Variants in MAP4 observed in about 807,000 individuals in gnomAD.
MAP4 encodes the protein microtubule associated protein 4, also known as microtubule-associated protein 4.
In MAP4, 76 loss-of-function variants were observed where a neutral mutation model predicts 170.2. The ratio of observed to expected loss-of-function variants is 0.45; its 90% CI spans 0.37 to 0.54. The LOEUF is 0.54. Ranked by LOEUF, MAP4 falls within the 20% of genes least tolerant of loss-of-function variation. MAP4 has a pLI of 0.00. For synonymous variants in MAP4, 909 were observed against 994.5 expected, an observed-to-expected ratio of 0.91 and a Z score of 1.62; for missense variants, 2,506 against 2,748.0, an observed-to-expected ratio of 0.91 and a Z score of 1.97.
At chr3:48,031,202 G>A (rs925951964) in intron 1 of MAP4, among the ~76,000 whole-genome samples, 1 of 152,194 alleles carries the variant, frequency 6.6e-6, no homozygotes, top group African/African-American at 2.4e-5. Flanking sequence ...CTTGAGGCCA[G>A]GAGTTCTGAC....
intron 1 of MAP4, among the ~76,000 whole-genome samples, chr3:48,021,433 C>T (rs892348039): frequency 1.3e-5 from 2 of 151,954 alleles, no homozygotes; most frequent in Non-Finnish European, 2.9e-5. Context: ...CTGCAACCTC[C>T]GCCTCCCAGG....
At chr3:47,941,697 G>C (rs1235489434) in intron 3 of MAP4, among the ~76,000 whole-genome samples, 2 of 151,308 alleles carry the variant, frequency 1.3e-5, no homozygotes, top group African/African-American at 4.9e-5. Context: ...TGAGGCAGGA[G>C]GACTGTTTGA....
chr3:47,893,742 A>T (rs2100025308), intron 10 of MAP4, among the ~76,000 whole-genome samples: 1 of 152,122 alleles, frequency 6.6e-6, no homozygotes, highest in African/African-American at 2.4e-5. Flanking sequence ...TCCAAGATGA[A>T]GAAAAGATTT....
At chr3:48,049,065 C>T (rs1416034698) in intron 1 of MAP4, among the ~76,000 whole-genome samples, 1 of 152,170 alleles carries the variant, frequency 6.6e-6, no homozygotes, top group Non-Finnish European at 1.5e-5. Flanking sequence ...GCACATTACC[C>T]TTGTAGTCTA....
intron 1 of MAP4, among the ~76,000 whole-genome samples, chr3:48,036,959 C>G (rs562940735): frequency 2.6e-5 from 4 of 152,166 alleles, no homozygotes; most frequent in Non-Finnish European, 5.9e-5. Context: ...GAAAAGTATT[C>G]TGAAGCCAAA....
In MAP4 at chr3:47,998,809, C is replaced by T. The variant is rs757080179; in HGVS notation, c.52G>A (p.Glu18Lys). The T allele has an allele frequency of 6.2e-7, 1 of 1,614,190 alleles. No individual in the cohort carries two copies. The highest frequency in any genetic ancestry group is 8.5e-7 in the Non-Finnish European group (1 of 1,180,010). ...ATGAAGTCCCGCTTTATCTCTCCCTCAATGTCTGGAGATGGTTCTGTTAAT... is the reference window on the plus strand; with the variant it reads ...ATGAAGTCCCGCTTTATCTCTCCCTTAATGTCTGGAGATGGTTCTGTTAAT... ...DALTEPSPDI[E>K]GEIKRDFIAT... The change falls in exon 2 of 21, where the codon GAG (glutamate) becomes AAG (lysine). Residue 18 changes from glutamate (E) to lysine (K), a missense_variant. Glu to Lys is a moderately conservative substitution (Grantham distance 56). Transcript: ENST00000683076.
chr3:47,978,818 A>T (rs2100083719), intron 2 of MAP4, among the ~76,000 whole-genome samples: 2 of 141,714 alleles, frequency 1.4e-5, no homozygotes. Context: ...GCATCTTTTC[A>T]TGTGTTTCTC....
chr3:47,974,628 T>C, intron 3 of MAP4: 1 of 952,876 alleles, frequency 1.0e-6, no homozygotes, highest in Non-Finnish European at 1.2e-6. Context: ...TATATTTCTA[T>C]AAATACAATC....
intron 3 of MAP4, among the ~76,000 whole-genome samples, chr3:47,938,303 G>A (rs749508337): frequency 2.9e-4 from 44 of 152,026 alleles, no homozygotes; most frequent in Admixed American, 2.2e-3. Flanking sequence ...GGGAGGTGGA[G>A]GTTGCAGTGA....
intron 1 of MAP4, among the ~76,000 whole-genome samples, chr3:48,002,273 ACT>A (rs1447421556): frequency 1.0e-4 from 15 of 149,910 alleles, no homozygotes; most frequent in African/African-American, 3.7e-4. Context: ...AAAAAATCAC[ACT>A]CTGAGCCAGG....
At chr3:48,064,504 A>G (rs1346017200) in intron 1 of MAP4, among the ~76,000 whole-genome samples, 1 of 152,168 alleles carries the variant, frequency 6.6e-6, no homozygotes, top group Non-Finnish European at 1.5e-5. Context: ...TGATTTAAGT[A>G]ATAATAAAAC....
At chr3:47,865,357 C>T (rs1485676449) in intron 17 of MAP4, among the ~76,000 whole-genome samples, 1 of 152,212 alleles carries the variant, frequency 6.6e-6, no homozygotes, top group African/African-American at 2.4e-5. Context: ...GCCTGGGCCC[C>T]TCGTGGGCTG....
intron 1 of MAP4, among the ~76,000 whole-genome samples, chr3:48,070,496 ACT>A (rs2100140410): frequency 7.0e-6 from 1 of 142,026 alleles, no homozygotes; most frequent in Non-Finnish European, 1.5e-5. Context: ...TTAATTTTTT[ACT>A]TTTTGTACAA....
chr3:47,872,084 T>C lies in MAP4; in HGVS notation c.5774A>G (p.Lys1925Arg). 1.2e-6 allele frequency: 2 copies of C among 1,611,540 alleles called. No individual in the cohort carries two copies. The highest frequency in any genetic ancestry group is 1.7e-6 in the Non-Finnish European group (2 of 1,178,666). Residue 1925 changes from lysine to arginine, a missense_variant, in exon 13 of 21, where the codon AAG becomes AGG. Physicochemically the swap from Lys to Arg is conservative, Grantham distance 26 (BLOSUM62 2). Transcript: ENST00000683076. Reference protein sequence around the residue: ...DVKPKPIADAKAPEKRASPSK... With the variant: ...DVKPKPIADARAPEKRASPSK... Reference sequence around the variant, plus strand: ...TGGTGAGGCCCGCTTCTCAGGAGCCTTTGCATCTGCAATGGGCTGGAAATA... The same window carrying C: ...TGGTGAGGCCCGCTTCTCAGGAGCCCTTGCATCTGCAATGGGCTGGAAATA...
chr3:48,018,683 G>GT (rs2100109053), upstream of MAP4, among the ~76,000 whole-genome samples: 1 of 151,990 alleles, frequency 6.6e-6, no homozygotes, highest in African/African-American at 2.4e-5. Context: ...TGCACCTGTA[G>GT]TCCCAGCTAC....
At chr3:47,906,896 C>T (rs947667166) in intron 9 of MAP4, among the ~76,000 whole-genome samples, 14 of 149,652 alleles carry the variant, frequency 9.4e-5, no homozygotes, top group Admixed American at 4.7e-4. Flanking sequence ...GGTGCAGTGG[C>T]GCGATCTCGG....
chr3:48,061,862 G>A (rs1179811956), intron 1 of MAP4, among the ~76,000 whole-genome samples: 2 of 149,028 alleles, frequency 1.3e-5, no homozygotes, highest in Non-Finnish European at 3.0e-5. Context: ...CGCCCGGCCA[G>A]CCACCCCGTC....
At chr3:47,939,784 C>G (rs1578000833) in intron 3 of MAP4, among the ~76,000 whole-genome samples, 1 of 150,876 alleles carries the variant, frequency 6.6e-6, no homozygotes, top group East Asian at 1.9e-4. Flanking sequence ...GTACATTTTC[C>G]TCACCCCTCC....
chr3:47,966,480 C>T (rs1452819522), intron 3 of MAP4, among the ~76,000 whole-genome samples: 1 of 151,890 alleles, frequency 6.6e-6, no homozygotes, highest in Non-Finnish European at 1.5e-5. Context: ...ATCTCCTGAC[C>T]TCATGATCTG....
Sources: allele counts gnomAD v4.1 joint callset (sites outside exome capture counted in the v4.1 genomes callset), GRCh38; gene constraint gnomAD v4.1.1; transcripts MANE v1.5; gene names NCBI Gene and HGNC (gene_info 2026-07-23, HGNC 2026-07-21).